CMTM7: variants seen among roughly 807,000 people sequenced by gnomAD.
CMTM7 encodes the protein CKLF-like MARVEL transmembrane domain-containing protein 7.
Under a neutral mutation model 19.3 loss-of-function variants are expected in CMTM7, and 7 were observed. The ratio of observed to expected loss-of-function variants is 0.36; its 90% confidence interval spans 0.21 to 0.68. The LOEUF (loss-of-function observed/expected upper bound fraction) is 0.68, where lower values mean the gene tolerates loss of function less well. Among genes scored for constraint, CMTM7 ranks in the 30% least tolerant of loss-of-function variants. The probability of loss-of-function intolerance (pLI) is 0.60; values close to 1 mark genes in which losing one functional copy is unlikely to be tolerated. For synonymous variants in CMTM7, 87 were observed against 99.3 expected, an observed-to-expected ratio of 0.88 and a Z score of 0.74; for missense variants, 193 against 232.6, an observed-to-expected ratio of 0.83 and a Z score of 1.11.
chr3:32,454,930 TC>T lies in CMTM7; in HGVS notation c.*678del, dbSNP rs1696887461. 1 of 181,796 alleles carries T rather than the reference TC, an allele frequency of 5.5e-6. No homozygotes were observed. Among genetic ancestry groups the T allele is most frequent in the Non-Finnish European group, 1.2e-5 (1 of 84,798 alleles). 11.3% of individuals were successfully genotyped at this position (181,796 alleles called of 1,614,324 possible). A position where few individuals can be genotyped will look rare whatever the true frequency, so the allele number is the denominator to read the frequency against. On this transcript the variant is annotated 3_prime_UTR_variant, in exon 5 of 5. Transcript: ENST00000334983. ...CGAGCTTGTGTCTGGCCCATGGCCCTCCACCCGTGCTCTGTGTGTGCCCCTT... is the reference window on the plus strand; with the variant it reads ...CGAGCTTGTGTCTGGCCCATGGCCCTCACCCGTGCTCTGTGTGTGCCCCTT...
chr3:32,440,983 G>A lies in CMTM7; in HGVS notation c.160-857G>A, dbSNP rs1226266670. 2.6e-5 allele frequency among the ~76,000 whole-genome samples: 4 copies of A among 152,294 alleles called. No homozygotes were observed. The East Asian group carries it at 7.7e-4, about 29-fold the overall frequency. ...TCATCTGGTTATTAATTCAGTAGCA[G>A]GCCGTTAAGCATGTTCACTCGTGCT... On this transcript the variant is annotated intron_variant, in intron 1 of 4. Transcript: ENST00000334983.
intron 1 of CMTM7, among the ~76,000 whole-genome samples, chr3:32,406,571 T>C (rs1421671920): frequency 6.6e-6 from 1 of 152,156 alleles, no homozygotes; most frequent in Non-Finnish European, 1.5e-5. Context: ...CAAATTTCTT[T>C]AGCATATTAG....
intron 2 of CMTM7, among the ~76,000 whole-genome samples, chr3:32,447,952 T>G (rs895646591): frequency 6.6e-6 from 1 of 152,240 alleles, no homozygotes. Flanking sequence ...AAATTTCTTT[T>G]GTGTTTCTAA....
chr3:32,437,980 C>G (rs762474621), intron 1 of CMTM7, among the ~76,000 whole-genome samples: 3 of 152,112 alleles, frequency 2.0e-5, no homozygotes, highest in African/African-American at 7.2e-5. Context: ...CAAACCGTTA[C>G]GAGAGGAGCT....
chr3:32,409,957 A>G (rs1345159564), intron 1 of CMTM7, among the ~76,000 whole-genome samples: 5 of 152,214 alleles, frequency 3.3e-5, no homozygotes, highest in African/African-American at 1.2e-4. Flanking sequence ...TATTGTATGA[A>G]TTTGATGTGA....
intron 2 of CMTM7, among the ~76,000 whole-genome samples, chr3:32,444,626 C>A (rs1306392712): frequency 6.6e-6 from 1 of 152,198 alleles, no homozygotes; most frequent in East Asian, 1.9e-4. Context: ...ATCCATAGAT[C>A]AATTTGGAGA....
At chr3:32,428,022 A>G (rs2125633569) in intron 1 of CMTM7, among the ~76,000 whole-genome samples, 1 of 152,340 alleles carries the variant, frequency 6.6e-6, no homozygotes, top group Admixed American at 6.5e-5. Context: ...CATTGTTCAT[A>G]GTCTGGACAC....
chr3:32,395,570 A>G (rs2125616534), intron 1 of CMTM7, among the ~76,000 whole-genome samples: 1 of 152,328 alleles, frequency 6.6e-6, no homozygotes, highest in Non-Finnish European at 1.5e-5. Context: ...TAATAGTTCT[A>G]GGGATATAAA....
At chr3:32,396,703 T>C (rs1695924403) in intron 1 of CMTM7, among the ~76,000 whole-genome samples, 1 of 152,198 alleles carries the variant, frequency 6.6e-6, no homozygotes. Context: ...ACAGCTACAC[T>C]TCAGGAAATC....
At chr3:32,395,954 C>T (rs1695907991) in intron 1 of CMTM7, among the ~76,000 whole-genome samples, 1 of 152,020 alleles carries the variant, frequency 6.6e-6, no homozygotes, top group Non-Finnish European at 1.5e-5. Context: ...ATTATTCAGT[C>T]ATAAAAAGGG....
intron 1 of CMTM7, among the ~76,000 whole-genome samples, chr3:32,419,639 A>G (rs1654738239): frequency 6.6e-6 from 1 of 152,186 alleles, no homozygotes; most frequent in African/African-American, 2.4e-5. Context: ...TGATACGAAT[A>G]TATGGCTTTT....
chr3:32,452,325 C>G, intron 3 of CMTM7, 67 bp from the exon 4 acceptor site: 1 of 1,612,618 alleles, frequency 6.2e-7, no homozygotes, highest in South Asian at 1.1e-5. Context: ...AGATGAGAAG[C>G]AGACAGGATT....
intron 1 of CMTM7, among the ~76,000 whole-genome samples, chr3:32,403,179 G>A (rs374970981): frequency 6.6e-6 from 1 of 152,296 alleles, no homozygotes; most frequent in South Asian, 2.1e-4. Flanking sequence ...CACTAGGCTA[G>A]GTGGTTTATG....
intron 1 of CMTM7, among the ~76,000 whole-genome samples, chr3:32,425,729 T>C (rs570420603): frequency 6.6e-6 from 1 of 152,302 alleles, no homozygotes; most frequent in Non-Finnish European, 1.5e-5. Flanking sequence ...CACATTGAGT[T>C]CACTAGAATT....
intron 1 of CMTM7, among the ~76,000 whole-genome samples, chr3:32,398,926 G>T (rs1695958383): frequency 6.6e-6 from 1 of 152,104 alleles, no homozygotes; most frequent in Admixed American, 6.5e-5. Flanking sequence ...TGCAGTGAGT[G>T]GTGATCGCCA....
intron 1 of CMTM7, among the ~76,000 whole-genome samples, chr3:32,428,909 A>G (rs1696472987): frequency 6.6e-6 from 1 of 152,196 alleles, no homozygotes; most frequent in Non-Finnish European, 1.5e-5. Context: ...CTCAGACACC[A>G]GCCAGGGTTT....
chr3:32,409,770 T>C (rs1409161962), intron 1 of CMTM7, among the ~76,000 whole-genome samples: 1 of 152,236 alleles, frequency 6.6e-6, no homozygotes, highest in Non-Finnish European at 1.5e-5. Context: ...AGAAATCATG[T>C]TTGGCATAAC....
chr3:32,444,794 A>C (rs1696730537), intron 2 of CMTM7, among the ~76,000 whole-genome samples: 1 of 152,190 alleles, frequency 6.6e-6, no homozygotes, highest in South Asian at 2.1e-4. Flanking sequence ...TCTGTTACCC[A>C]GGCTGGAGTG....
In CMTM7 at chr3:32,451,976, G is replaced by A. The variant is rs1035117114; in HGVS notation, c.433-416G>A. 19 of 839,062 alleles carry A rather than the reference G, an allele frequency of 2.3e-5. No homozygotes were observed. In the South Asian group the frequency reaches 2.5e-4, roughly 11 times the overall value. 52.0% of individuals were successfully genotyped at this position (839,062 alleles called of 1,614,324 possible). ...CAGAAAGTCATTACAAATGAAATGC[G>A]AACAACGCCACTACACCACAAATCA... On this transcript the variant is annotated intron_variant, in intron 3 of 4. Transcript: ENST00000334983.
Sources: allele counts gnomAD v4.1 joint callset (sites outside exome capture counted in the v4.1 genomes callset), GRCh38; gene constraint gnomAD v4.1.1; transcripts MANE v1.5; gene names NCBI Gene and HGNC (gene_info 2026-07-23, HGNC 2026-07-21).